UNC13C: variants seen among roughly 807,000 people sequenced by gnomAD.
UNC13C encodes the protein protein unc-13 homolog C.
A neutral mutation model predicts 245.4 loss-of-function variants in UNC13C; 174 were observed. That is an observed-to-expected ratio of 0.71 (90% CI 0.63 to 0.80). The LOEUF (loss-of-function observed/expected upper bound fraction) is 0.80. Ranked by LOEUF, UNC13C falls within the 30% of genes least tolerant of loss-of-function variation. The probability of loss-of-function intolerance (pLI) is 0.00; values close to 1 mark genes in which losing one functional copy is unlikely to be tolerated. For synonymous variants in UNC13C, 992 were observed against 895.1 expected (o/e 1.11, Z -1.93); for missense variants, 2,829 against 2,602.9 (o/e 1.09, Z -1.89).
intron 17 of UNC13C, among the ~76,000 whole-genome samples, chr15:54,364,262 G>T (rs35165635): frequency 8.0e-5 from 12 of 150,526 alleles, no homozygotes; most frequent in African/African-American, 2.9e-4. Flanking sequence ...AGTGAATTAG[G>T]TAGTCATCTA....
chr15:54,146,219 C>A (rs1448541630), intron 4 of UNC13C, among the ~76,000 whole-genome samples: 1 of 152,014 alleles, frequency 6.6e-6, no homozygotes, highest in Non-Finnish European at 1.5e-5. Context: ...CTTCTATTAT[C>A]CTAAAAAACT....
Position 54,013,118 on chromosome 15 carries a change from C to A in UNC13C, c.215C>A (p.Thr72Asn), listed in dbSNP as rs762134513. The change falls in exon 2 of 33, where the codon ACT becomes AAT. Residue 72 changes from threonine (T) to asparagine (N), a missense_variant. By Grantham distance (65) the Thr-to-Asn change is moderately conservative. Transcript: ENST00000260323. ...TVKKIAKCSS[T>N]HNLSTEEDEA... ...AAGAAGATTGCAAAGTGTTCATCCA[C>A]TCACAACTTATCCACTGAGGAAGAC... The A allele has an allele frequency of 6.2e-7, 1 of 1,613,932 alleles. No individual in the cohort carries two copies. Among genetic ancestry groups the A allele is most frequent in the Non-Finnish European group, 8.5e-7 (1 of 1,179,872 alleles).
intron 22 of UNC13C, among the ~76,000 whole-genome samples, chr15:54,505,592 A>G (rs1894435605): frequency 6.6e-6 from 1 of 152,160 alleles, no homozygotes; most frequent in African/African-American, 2.4e-5. Context: ...ATAGTGGTTT[A>G]CTTAGCTGAA....
At chr15:54,387,594 A>G (rs1417415627) in intron 17 of UNC13C, among the ~76,000 whole-genome samples, 1 of 152,116 alleles carries the variant, frequency 6.6e-6, no homozygotes, top group Non-Finnish European at 1.5e-5. Flanking sequence ...CTCCTACCTC[A>G]AAACTAATGA....
chr15:54,288,704 C>T (rs184449166), intron 10 of UNC13C, among the ~76,000 whole-genome samples: 2 of 152,144 alleles, frequency 1.3e-5, no homozygotes, highest in East Asian at 3.9e-4. Context: ...CCACCAACAA[C>T]CTCTTTAGCT....
chr15:53,854,427 G>T, the UNC13C span, among the ~76,000 whole-genome samples: 2 of 152,014 alleles, frequency 1.3e-5, no homozygotes, highest in East Asian at 3.9e-4. Context: ...CCAAGTTTTG[G>T]GTTTTATATT....
chr15:54,595,792 G>A (rs935279099), intron 30 of UNC13C, among the ~76,000 whole-genome samples: 4 of 152,086 alleles, frequency 2.6e-5, no homozygotes, highest in Admixed American at 2.6e-4. Flanking sequence ...GCTTCTATTT[G>A]TTTAATTCTT....
intron 2 of UNC13C, among the ~76,000 whole-genome samples, chr15:54,083,933 T>TG (rs982290595): frequency 6.6e-6 from 1 of 152,210 alleles, no homozygotes; most frequent in Non-Finnish European, 1.5e-5. Flanking sequence ...GGGGAACCTC[T>TG]GCGCGAACTC....
chr15:54,494,945 A>G (rs1235806877), intron 20 of UNC13C, among the ~76,000 whole-genome samples: 1 of 152,024 alleles, frequency 6.6e-6, no homozygotes, highest in East Asian at 1.9e-4. Flanking sequence ...CCCTACCTGG[A>G]TATTCAACTC....
chr15:54,427,598 T>C (rs531321124), intron 19 of UNC13C, among the ~76,000 whole-genome samples: 1 of 151,964 alleles, frequency 6.6e-6, no homozygotes, highest in Non-Finnish European at 1.5e-5. Context: ...ATCCAAAAAT[T>C]ATGTATACAC....
chr15:54,528,534 TTCTAG>T (rs1184710131), intron 25 of UNC13C, among the ~76,000 whole-genome samples: 2 of 152,138 alleles, frequency 1.3e-5, no homozygotes, highest in East Asian at 1.9e-4. Context: ...ATTTTTCTTT[TTCTAG>T]TCTATTCTTT....
the UNC13C span, among the ~76,000 whole-genome samples, chr15:53,855,857 G>A: frequency 6.6e-6 from 1 of 152,312 alleles, no homozygotes; most frequent in East Asian, 1.9e-4. Flanking sequence ...AACAGTTTGA[G>A]TAGACACGGT....
chr15:54,355,157 A>G (rs1208790840), intron 17 of UNC13C, among the ~76,000 whole-genome samples: 1 of 144,090 alleles, frequency 6.9e-6, no homozygotes, highest in Non-Finnish European at 1.6e-5. Flanking sequence ...CTCTGCAATT[A>G]TAAGAAATAA....
intron 17 of UNC13C, among the ~76,000 whole-genome samples, chr15:54,389,119 A>G (rs78700051): frequency 0.068 from 10,404 of 152,204 alleles, 394 homozygotes; most frequent in East Asian, 0.12. Context: ...TGACCCCTGC[A>G]TTTATCTCTC....
At chr15:54,523,035 C>T (rs1052987934) in intron 24 of UNC13C, among the ~76,000 whole-genome samples, 1 of 152,066 alleles carries the variant, frequency 6.6e-6, no homozygotes, top group Non-Finnish European at 1.5e-5. Flanking sequence ...TGCCTTTTAC[C>T]TTTACAAGGT....
At chr15:53,849,509 G>A in the UNC13C span, among the ~76,000 whole-genome samples, 286 of 151,950 alleles carry the variant, frequency 1.9e-3, no homozygotes, top group Non-Finnish European at 3.3e-3. Flanking sequence ...CAATATTGCC[G>A]TTAATTTTAA....
chr15:54,219,045 T>G (rs1159572941), intron 4 of UNC13C, among the ~76,000 whole-genome samples: 1 of 152,040 alleles, frequency 6.6e-6, no homozygotes, highest in Admixed American at 6.6e-5. Flanking sequence ...ATAGATTCAA[T>G]GCCATCCCCA....
intron 8 of UNC13C, among the ~76,000 whole-genome samples, chr15:54,259,876 T>A (rs1219149562): frequency 6.6e-6 from 1 of 151,934 alleles, no homozygotes; most frequent in African/African-American, 2.4e-5. Flanking sequence ...TTTTGTCTTT[T>A]CATAAGATTT....
intron 1 of UNC13C, among the ~76,000 whole-genome samples, chr15:54,005,816 G>A (rs1169094885): frequency 1.3e-5 from 2 of 152,220 alleles, no homozygotes; most frequent in Middle Eastern, 3.4e-3. Context: ...GTGCATCCAC[G>A]GTACCATGAA....
Sources: gnomAD v4.1 joint callset for allele counts (sites outside exome capture counted in the v4.1 genomes callset) on GRCh38, gnomAD v4.1.1 for gene constraint, MANE v1.5 for transcripts, NCBI Gene and HGNC (gene_info 2026-07-23, HGNC 2026-07-21) for gene names.